Variants in GARNL3 observed in about 807,000 individuals in gnomAD.
The protein encoded by GARNL3 is GTPase activating Rap/RanGAP domain like 3, also known as GTPase-activating Rap/Ran-GAP domain-like protein 3.
GARNL3 carries 63 observed loss-of-function variants against 125.0 expected under a neutral mutation model. That is an observed-to-expected ratio of 0.50 (90% CI 0.41 to 0.62). The LOEUF (loss-of-function observed/expected upper bound fraction) is 0.62, where lower values mean the gene tolerates loss of function less well. GARNL3 is among the 20% of genes least tolerant of loss of function. GARNL3 has a pLI of 0.00. For missense variants in GARNL3, 994 were observed against 1,244.0 expected (o/e 0.80, Z 3.02); for synonymous variants, 439 against 457.5 (o/e 0.96, Z 0.52).
chr9:127,230,117 G>A (rs1016622649), intron 1 of GARNL3, among the ~76,000 whole-genome samples: 2 of 152,202 alleles, frequency 1.3e-5, no homozygotes, highest in Non-Finnish European at 2.9e-5. Flanking sequence ...TTGTAGGAAG[G>A]CACATCAGAT....
At chr9:127,354,603 G>C (rs930120154) in intron 19 of GARNL3, among the ~76,000 whole-genome samples, 193 bp downstream of exon 19, 4 of 152,176 alleles carry the variant, frequency 2.6e-5, no homozygotes, top group Non-Finnish European at 5.9e-5. Flanking sequence ...AGGACTAGAA[G>C]AAATTCTAGG....
chr9:127,334,595 C>A (rs758687687), intron 9 of GARNL3, among the ~76,000 whole-genome samples: 2 of 152,190 alleles, frequency 1.3e-5, no homozygotes, highest in Non-Finnish European at 2.9e-5. Context: ...CAACCCTCAG[C>A]GTCTCCAATA....
At chr9:127,359,021 A>G (rs1347717629) in intron 21 of GARNL3, among the ~76,000 whole-genome samples, 1 of 152,040 alleles carries the variant, frequency 6.6e-6, no homozygotes, top group African/African-American at 2.4e-5. Context: ...CCCAGGTGAT[A>G]CTAATATAGA....
intron 22 of GARNL3, among the ~76,000 whole-genome samples, chr9:127,375,449 G>A (rs370390024): frequency 6.9e-6 from 1 of 145,656 alleles, no homozygotes; most frequent in African/African-American, 2.6e-5. Context: ...CTGGGTGACA[G>A]AGCAAGACTC....
intron 20 of GARNL3, 46 bp downstream of exon 20, chr9:127,355,518 GA>G (rs771069179): frequency 1.3e-6 from 2 of 1,572,252 alleles, no homozygotes; most frequent in East Asian, 4.5e-5. Context: ...AAGTTGTCTT[GA>G]AGCAGACTCT....
chr9:127,385,068 A>T lies in GARNL3; in HGVS notation c.2311A>T (p.Met771Leu). Residue 771 changes from methionine to leucine, a missense_variant, in exon 24 of 28, where the codon ATG (methionine) becomes TTG (leucine). Coordinates refer to ENST00000373387, the MANE Select transcript of GARNL3 (RefSeq NM_032293.5). The surrounding 1 kb of genome is among the most constrained non-coding windows in gnomAD (Gnocchi z 4.1). ...TCTCCTGGCCTTCACCACCGACTCCATGGAGATCCGCCTGGTGGTGAACGG... is the reference window on the plus strand; with the variant it reads ...TCTCCTGGCCTTCACCACCGACTCCTTGGAGATCCGCCTGGTGGTGAACGG... ...PYLLAFTTDSMEIRLVVNGNL... is the reference protein window; with the variant it reads ...PYLLAFTTDSLEIRLVVNGNL... 1 of 1,612,540 alleles carries T rather than the reference A, an allele frequency of 6.2e-7. No homozygotes were observed.
intron 22 of GARNL3, among the ~76,000 whole-genome samples, chr9:127,382,108 C>G (rs1055725528): frequency 1.2e-4 from 18 of 151,998 alleles, no homozygotes; most frequent in Non-Finnish European, 2.1e-4. Flanking sequence ...CGACACCAGC[C>G]TGGCCAAATG....
intron 2 of GARNL3, among the ~76,000 whole-genome samples, chr9:127,250,265 A>G (rs2063377303): frequency 6.6e-6 from 1 of 152,212 alleles, no homozygotes; most frequent in African/African-American, 2.4e-5. Context: ...TTTTTCCTGT[A>G]CAGCCTTGTA....
At chr9:127,285,381 C>T (rs1176557543) in intron 1 of GARNL3, among the ~76,000 whole-genome samples, 1 of 152,188 alleles carries the variant, frequency 6.6e-6, no homozygotes, top group Non-Finnish European at 1.5e-5. Context: ...TGAGATCACG[C>T]CATTGCACTC....
rs370794312 is a variant in GARNL3, at chr9:127,353,832, G to A, written c.1544-14G>A. ...CTGGGTTGCAGTGATGGGTAACCAG[G>A]TTTCCTTTTCCAGATGACCTTCCAT... On this transcript the variant is annotated splice_polypyrimidine_tract_variant and intron_variant, in intron 17 of 27. Transcript: ENST00000373387. The A allele has an allele frequency of 4.0e-4, 641 of 1,585,538 alleles. 4 individuals are homozygous for A. Among genetic ancestry groups the A allele is most frequent in the South Asian group, 6.9e-4 (62 of 90,476 alleles).
intron 6 of GARNL3, among the ~76,000 whole-genome samples, chr9:127,324,837 G>A (rs2065516496): frequency 6.6e-6 from 1 of 152,176 alleles, no homozygotes; most frequent in Non-Finnish European, 1.5e-5. Flanking sequence ...TAGGTTTGCT[G>A]CTCCATGCTG....
chr9:127,272,514 T>G, intron 1 of GARNL3, among the ~76,000 whole-genome samples: 2 of 138,878 alleles, frequency 1.4e-5, no homozygotes, highest in East Asian at 1.9e-4. Context: ...GGAGGAGGAG[T>G]CTCACTCTGT....
At chr9:127,260,803 G>A (rs919243185), upstream of GARNL3, among the ~76,000 whole-genome samples, 2 of 152,182 alleles carry the variant, frequency 1.3e-5, no homozygotes, top group Non-Finnish European at 2.9e-5. Flanking sequence ...CCTGTTTGTG[G>A]AACTTATTCT....
chr9:127,289,482 C>T lies in GARNL3; in HGVS notation c.145-1686C>T, dbSNP rs370073551. On this transcript the variant is annotated intron_variant, in intron 1 of 27. Coordinates refer to ENST00000373387, the MANE Select transcript of GARNL3 (RefSeq NM_032293.5). ...GGAGTTGTAGACAGCATTAACTCCT[C>T]CTGGCGATGATGTGTGACAACATCA... 2.2e-4 allele frequency among the ~76,000 whole-genome samples: 33 copies of T among 152,364 alleles called. No homozygotes were observed. The South Asian group carries it at 6.8e-3, about 32-fold the overall frequency.
intron 1 of GARNL3, among the ~76,000 whole-genome samples, chr9:127,240,899 C>A (rs1047105683): frequency 7.0e-6 from 1 of 142,290 alleles, no homozygotes; most frequent in Non-Finnish European, 1.6e-5. Context: ...CAGAGTGAGA[C>A]CCTGTCTCAA....
chr9:127,341,845 A>G (rs1162857119), intron 13 of GARNL3, among the ~76,000 whole-genome samples: 1 of 152,182 alleles, frequency 6.6e-6, no homozygotes, highest in African/African-American at 2.4e-5. Flanking sequence ...TGCAGGCTCA[A>G]GGTGATGGAG....
At chr9:127,371,590 A>C (rs1045228968) in intron 22 of GARNL3, among the ~76,000 whole-genome samples, 5 of 152,220 alleles carry the variant, frequency 3.3e-5, no homozygotes, top group Admixed American at 6.5e-5. Flanking sequence ...GCCTTGGTTC[A>C]AGGCAAATTT....
chr9:127,329,719 A>G (rs976250598), intron 7 of GARNL3, among the ~76,000 whole-genome samples: 1 of 152,068 alleles, frequency 6.6e-6, no homozygotes, highest in East Asian at 1.9e-4. Context: ...ATGATACTGG[A>G]AAGAATGCTG....
At chr9:127,338,247 A>T (rs772199888) in intron 12 of GARNL3, 86 bp downstream of exon 12, 2 of 1,053,672 alleles carry the variant, frequency 1.9e-6, no homozygotes, top group Non-Finnish European at 3.0e-6. Context: ...CTTGATATAC[A>T]TATTTCTTGA....
Sources: allele counts gnomAD v4.1 joint callset (sites outside exome capture counted in the v4.1 genomes callset), GRCh38; gene constraint gnomAD v4.1.1; non-coding constraint Gnocchi (gnomAD v3.1); transcripts MANE v1.5; gene names NCBI Gene and HGNC (gene_info 2026-07-23, HGNC 2026-07-21).